Variants in CCDC102B observed in about 807,000 individuals in gnomAD.
CCDC102B encodes coiled-coil domain containing 102B.
Under a neutral mutation model 57.4 loss-of-function variants are expected in CCDC102B, and 75 were observed. The ratio of observed to expected loss-of-function variants is 1.31; its 90% CI spans 1.08 to 1.58. The LOEUF (loss-of-function observed/expected upper bound fraction) is 1.58, where lower values mean the gene tolerates loss of function less well. CCDC102B is among the 40% of genes most tolerant of loss of function. The probability of loss-of-function intolerance (pLI) is 0.00; values close to 1 mark genes in which losing one functional copy is unlikely to be tolerated. For missense variants in CCDC102B, 636 were observed against 582.6 expected (o/e 1.09, Z -0.94); for synonymous variants, 206 against 201.9 (o/e 1.02, Z -0.17).
Position 68,992,524 on chromosome 18 carries a change from C to T in CCDC102B, c.1264-18410C>T, listed in dbSNP as rs543996703. On this transcript the variant is annotated intron_variant, in intron 6 of 7. Coordinates refer to ENST00000360242, the MANE Select transcript of CCDC102B (RefSeq NM_024781.3). ...AATGATCCAAGTGTCACCTTCCACA[C>T]GAGTAGAGCAGAATATCTGGAGATG... Among the ~76,000 whole-genome samples the T allele has an allele frequency of 5.3e-5, 8 of 152,266 alleles. No homozygotes were observed. In the South Asian group the frequency reaches 1.4e-3, roughly 28 times the overall value.
intron 6 of CCDC102B, among the ~76,000 whole-genome samples, chr18:68,967,556 A>G (rs2050196132): frequency 6.6e-6 from 1 of 152,166 alleles, no homozygotes; most frequent in Non-Finnish European, 1.5e-5. Flanking sequence ...ATTACAATAC[A>G]TGTTAGACAC....
At chr18:68,798,901 A>G (rs978974429) in intron 1 of CCDC102B, among the ~76,000 whole-genome samples, 42 of 152,102 alleles carry the variant, frequency 2.8e-4, no homozygotes, top group African/African-American at 1.0e-3. Context: ...TTGAATGTCA[A>G]GTGAGTACAT....
At chr18:68,887,209 C>T (rs539593498) in intron 5 of CCDC102B, among the ~76,000 whole-genome samples, 2 of 151,980 alleles carry the variant, frequency 1.3e-5, no homozygotes, top group African/African-American at 4.8e-5. Flanking sequence ...CTTCTCCCGT[C>T]GATTTTACTT....
At chr18:68,917,429 C>G (rs1033987513) in intron 6 of CCDC102B, among the ~76,000 whole-genome samples, 1 of 152,110 alleles carries the variant, frequency 6.6e-6, no homozygotes, top group Admixed American at 6.5e-5. Context: ...AGGAGTCTTG[C>G]GATCTCTGAA....
intron 7 of CCDC102B, among the ~76,000 whole-genome samples, chr18:69,034,630 G>A (rs1731394126): frequency 6.6e-6 from 1 of 151,646 alleles, no homozygotes; most frequent in African/African-American, 2.4e-5. Flanking sequence ...CTGTTGAAAA[G>A]TACTGAAATT....
At chr18:68,895,249 T>A (rs2040203334) in intron 5 of CCDC102B, among the ~76,000 whole-genome samples, 1 of 151,786 alleles carries the variant, frequency 6.6e-6, no homozygotes, top group East Asian at 1.9e-4. Flanking sequence ...TTATATATAA[T>A]TGGTAAATGA....
chr18:68,767,047 A>G (rs2034492641), intron 2 of CCDC102B, among the ~76,000 whole-genome samples: 1 of 152,224 alleles, frequency 6.6e-6, no homozygotes, highest in Non-Finnish European at 1.5e-5. Context: ...CTGGAAATGT[A>G]ATATGCTCCT....
chr18:69,030,765 C>T (rs1312930919), intron 7 of CCDC102B, among the ~76,000 whole-genome samples: 1 of 152,196 alleles, frequency 6.6e-6, no homozygotes, highest in African/African-American at 2.4e-5. Context: ...AGCAATTCTT[C>T]TGCCTCAGCC....
intron 5 of CCDC102B, among the ~76,000 whole-genome samples, chr18:68,875,619 A>T (rs1294790627): frequency 2.6e-5 from 4 of 152,158 alleles, no homozygotes; most frequent in Non-Finnish European, 5.9e-5. Context: ...CATCAGATGA[A>T]TATAGTGCAA....
intron 4 of CCDC102B, among the ~76,000 whole-genome samples, chr18:68,857,065 T>A (rs1195943776): frequency 8.2e-6 from 1 of 121,510 alleles, no homozygotes; most frequent in African/African-American, 3.2e-5. Flanking sequence ...AAATATATTT[T>A]TATATATTAT....
chr18:68,727,305 A>G (rs113056003), intron 2 of CCDC102B, among the ~76,000 whole-genome samples: 39 of 152,292 alleles, frequency 2.6e-4, no homozygotes, highest in Non-Finnish European at 4.3e-4. Context: ...TGGAATAGAA[A>G]ATTACCTAGT....
intron 7 of CCDC102B, among the ~76,000 whole-genome samples, chr18:69,018,589 G>A (rs572185151): frequency 3.9e-5 from 6 of 152,102 alleles, no homozygotes; most frequent in African/African-American, 9.6e-5. Flanking sequence ...GCCTATTCAC[G>A]TATTCTGCCC....
At chr18:68,967,253 C>T (rs1195188726) in intron 6 of CCDC102B, among the ~76,000 whole-genome samples, 8 of 152,100 alleles carry the variant, frequency 5.3e-5, no homozygotes, top group African/African-American at 1.9e-4. Context: ...CCAATGTTCA[C>T]AAATCAAACA....
intron 6 of CCDC102B, among the ~76,000 whole-genome samples, chr18:68,939,707 A>AT (rs1280725445): frequency 6.6e-6 from 1 of 151,746 alleles, no homozygotes; most frequent in African/African-American, 2.4e-5. Context: ...TTTTCATTGT[A>AT]TTTTGTTTTT....
At chr18:68,843,322 TAC>T (rs1439715177) in intron 3 of CCDC102B, among the ~76,000 whole-genome samples, 2 of 152,212 alleles carry the variant, frequency 1.3e-5, no homozygotes, top group African/African-American at 4.8e-5. Flanking sequence ...TTTATATTAA[TAC>T]ACCTTTTCAG....
intron 7 of CCDC102B, among the ~76,000 whole-genome samples, chr18:69,039,792 A>G (rs945904567): frequency 3.9e-5 from 6 of 151,922 alleles, no homozygotes; most frequent in Non-Finnish European, 4.4e-5. Context: ...AGTAGAAACA[A>G]ATCTTTGAGA....
intron 2 of CCDC102B, among the ~76,000 whole-genome samples, chr18:68,770,094 C>T (rs926141853): frequency 6.6e-6 from 1 of 152,156 alleles, no homozygotes; most frequent in Non-Finnish European, 1.5e-5. Flanking sequence ...TAAAGAAGAG[C>T]ATCTCCACAT....
chr18:68,878,014 G>A (rs779323817), intron 5 of CCDC102B, among the ~76,000 whole-genome samples: 3 of 152,112 alleles, frequency 2.0e-5, no homozygotes, highest in Non-Finnish European at 1.5e-5. Context: ...CTATGAGGTC[G>A]AAAGTAAAAG....
chr18:68,977,557 A>G (rs1433519456), intron 6 of CCDC102B, among the ~76,000 whole-genome samples: 1 of 139,006 alleles, frequency 7.2e-6, no homozygotes, highest in African/African-American at 2.7e-5. Context: ...CTATAGCACT[A>G]AAAAAAAAAA....
Sources: gnomAD v4.1 joint callset for allele counts (sites outside exome capture counted in the v4.1 genomes callset) on GRCh38, gnomAD v4.1.1 for gene constraint, MANE v1.5 for transcripts, NCBI Gene and HGNC (gene_info 2026-07-23, HGNC 2026-07-21) for gene names.